LAMB1: variants seen among roughly 807,000 people sequenced by gnomAD.
LAMB1 encodes the protein laminin subunit beta 1, also known as laminin subunit beta-1.
A neutral mutation model predicts 222.3 loss-of-function variants in LAMB1; 121 were observed. The observed-to-expected ratio is 0.54, with a 90% confidence interval of 0.47 to 0.63. The LOEUF is 0.63. LAMB1 is among the 30% of genes least tolerant of loss of function. LAMB1 has a pLI of 0.00. For synonymous variants in LAMB1, 794 were observed against 807.2 expected (o/e 0.98, Z 0.28); for missense variants, 2,172 against 2,240.8 (o/e 0.97, Z 0.62).
chr7:107,993,046 A>G (rs2034215239), intron 5 of LAMB1, among the ~76,000 whole-genome samples: 1 of 152,170 alleles, frequency 6.6e-6, no homozygotes, highest in South Asian at 2.1e-4. Flanking sequence ...TTCACACCCA[A>G]TGTACCCAAC....
rs753168303 is a variant in LAMB1, at chr7:107,940,306, C to G, written c.3444G>C (p.Thr1148=). 5 of 1,614,184 alleles carry G rather than the reference C, an allele frequency of 3.1e-6. No homozygotes were observed. The highest frequency in any genetic ancestry group is 3.4e-6 in the Non-Finnish European group (4 of 1,180,030). Residue 1148 remains threonine, a synonymous_variant, in exon 25 of 34, where the codon ACG becomes ACC. Transcript: ENST00000222399. The part of the protein sequence containing the change: ...GIETPQCDQS[T]GQCVCVEGVE... ...CACCCTCAACGCAGACACACTGGCC[C>G]GTGGACTGGTCACACTGTGGCGTCT...
At chr7:107,942,489 G>C (rs967538298) in intron 24 of LAMB1, 2 of 152,118 alleles carry the variant, frequency 1.3e-5, no homozygotes, top group Non-Finnish European at 2.9e-5. Flanking sequence ...CCAAGCTCTC[G>C]AGTGGCAGGT....
At chr7:107,937,756 CA>C (rs1353805008) in intron 25 of LAMB1, among the ~76,000 whole-genome samples, 1 of 152,196 alleles carries the variant, frequency 6.6e-6, no homozygotes, top group Non-Finnish European at 1.5e-5. Context: ...TAGCCTGCCA[CA>C]AAGACAACAG....
In LAMB1 at chr7:107,961,317, A is replaced by C. The variant is rs779593878; in HGVS notation, c.1998T>G (p.Leu666=). 1 of 1,614,116 alleles carries C rather than the reference A, an allele frequency of 6.2e-7. No homozygotes were observed. Among genetic ancestry groups the C allele is most frequent in the Non-Finnish European group, 8.5e-7 (1 of 1,180,010 alleles). Residue 666 remains leucine (L), a synonymous_variant, in exon 17 of 34, where the codon CTT becomes CTG. Coordinates refer to ENST00000222399, the MANE Select transcript of LAMB1 (RefSeq NM_002291.3). ...SLSPGSRYVV[L]PRPVCFEKGT... is the part of the protein sequence containing the mutation. ...CCTTCTCAAAGCACACCGGCCGAGG[A>C]AGGACGACATATCTGCCCCCAAACA...
At chr7:107,965,466 A>C (rs540138172) in intron 13 of LAMB1, among the ~76,000 whole-genome samples, 2 of 152,162 alleles carry the variant, frequency 1.3e-5, no homozygotes, top group East Asian at 1.9e-4. Flanking sequence ...GTAATCCCAG[A>C]TACTTGGGAG....
At chr7:107,938,327 C>T (rs1225663121) in intron 25 of LAMB1, among the ~76,000 whole-genome samples, 2 of 152,020 alleles carry the variant, frequency 1.3e-5, no homozygotes, top group Non-Finnish European at 2.9e-5. Context: ...GGCTAATATA[C>T]ATAGTTTCTT....
intron 24 of LAMB1, among the ~76,000 whole-genome samples, chr7:107,949,841 C>A (rs1180306202): frequency 6.6e-6 from 1 of 152,194 alleles, no homozygotes; most frequent in Non-Finnish European, 1.5e-5. Flanking sequence ...AGGTTCCTGA[C>A]CTTCTGTAGG....
intron 6 of LAMB1, 25 bp from the exon 7 acceptor site, chr7:107,986,110 G>A: frequency 1.2e-6 from 2 of 1,609,646 alleles, no homozygotes; most frequent in South Asian, 2.2e-5. Flanking sequence ...AAGAGTAATT[G>A]GTACTTCTGC....
In LAMB1 at chr7:107,959,367, G is replaced by A. The variant is rs753760661; in HGVS notation, c.2572C>T (p.His858Tyr). 1 of 1,614,202 alleles carries A rather than the reference G, an allele frequency of 6.2e-7. No homozygotes were observed. The highest frequency in any genetic ancestry group is 8.5e-7 in the Non-Finnish European group (1 of 1,180,036). Residue 858 changes from histidine to tyrosine, a missense_variant, in exon 20 of 34, where the codon CAC becomes TAC. His to Tyr is a moderately conservative substitution (Grantham distance 83). Coordinates refer to ENST00000222399, the MANE Select transcript of LAMB1 (RefSeq NM_002291.3). ...ARQCDRCLPG[H>Y]WGFPSCQPCQ... ...GGCTGGCAACTTGGAAAGCCCCAGTGCCCAGGTAAGCACCGATCACACTGC... is the reference window on the plus strand; with the variant it reads ...GGCTGGCAACTTGGAAAGCCCCAGTACCCAGGTAAGCACCGATCACACTGC...
At chr7:107,974,216 C>A (rs2033807150) in intron 12 of LAMB1, among the ~76,000 whole-genome samples, 1 of 151,946 alleles carries the variant, frequency 6.6e-6, no homozygotes, top group Non-Finnish European at 1.5e-5. Context: ...ATTAAAAATA[C>A]AGATTTTTAA....
chr7:107,967,003 G>A (rs765833737), intron 13 of LAMB1, among the ~76,000 whole-genome samples: 2 of 152,140 alleles, frequency 1.3e-5, no homozygotes, highest in African/African-American at 4.8e-5. Flanking sequence ...TATGCAGATG[G>A]CCCTCACCCT....
In LAMB1 at chr7:107,986,312, T is replaced by A. The variant is rs1282698606; in HGVS notation, c.475A>T (p.Thr159Ser). 6.2e-7 allele frequency: 1 copy of A among 1,610,674 alleles called. No individual in the cohort carries two copies. The highest frequency in any genetic ancestry group is 1.7e-5 in the Admixed American group (1 of 59,904). ...LIERSSDFGK[T>S]WGVYRYFAYD... is the part of the protein sequence containing the mutation. ...GCGAAGTATCTATACACACCCCAGGTTTTCCCAAAGTCGGACGATCGTTCT... is the reference window on the plus strand; with the variant it reads ...GCGAAGTATCTATACACACCCCAGGATTTCCCAAAGTCGGACGATCGTTCT... Residue 159 changes from threonine to serine, a missense_variant, in exon 6 of 34, where the codon ACC becomes TCC. Transcript: ENST00000222399.
intron 5 of LAMB1, among the ~76,000 whole-genome samples, chr7:107,988,718 CAT>C (rs2034127862): frequency 6.6e-6 from 1 of 152,176 alleles, no homozygotes; most frequent in African/African-American, 2.4e-5. Flanking sequence ...GGGCTGTAAT[CAT>C]ATGTCTGGTG....
chr7:107,975,740 A>G lies in LAMB1; in HGVS notation c.1138T>C (p.Phe380Leu). Residue 380 changes from phenylalanine to leucine, a missense_variant, in exon 10 of 34, where the codon TTT becomes CTT. By Grantham distance (22) the Phe-to-Leu change is conservative. Coordinates refer to ENST00000222399, the MANE Select transcript of LAMB1 (RefSeq NM_002291.3). ...TCCCTCTCTGGGTGCTGGTAGTAAA[A>G]CGGCTTGCACTGCTCACAGTTGCGC... ...MGRNCEQCKPFYYQHPERDIR... is the reference protein window; with the variant it reads ...MGRNCEQCKPLYYQHPERDIR... The G allele has an allele frequency of 1.2e-6, 2 of 1,613,598 alleles. No homozygotes were observed. The highest frequency in any genetic ancestry group is 4.5e-5 in the East Asian group (2 of 44,866).
intron 9 of LAMB1, among the ~76,000 whole-genome samples, chr7:107,977,512 G>A (rs1482496732): frequency 1.3e-5 from 2 of 152,080 alleles, no homozygotes; most frequent in African/African-American, 2.4e-5. Context: ...CAGCCCTGGC[G>A]CGGTGGCTCA....
chr7:107,959,752 A>C lies in LAMB1; in HGVS notation c.2397T>G (p.Val799=), dbSNP rs2150427381. The change falls in exon 19 of 34, where the codon GTT becomes GTG. Residue 799 remains valine (V), a synonymous_variant. Coordinates refer to ENST00000222399, the MANE Select transcript of LAMB1 (RefSeq NM_002291.3). ...GTGCACATCTGTTGCAGGTTCTTCC[A>C]ACCACGTTGGGCCGGCACTGGCACT... ...GGQCQCRPNV[V]GRTCNRCAPG... 1 of 1,614,220 alleles carries C rather than the reference A, an allele frequency of 6.2e-7. No individual in the cohort carries two copies.
intron 10 of LAMB1, 36 bp downstream of exon 10, chr7:107,975,653 T>C (rs746948664): frequency 1.6e-5 from 25 of 1,565,804 alleles, no homozygotes; most frequent in Non-Finnish European, 2.2e-5. Flanking sequence ...CAATCTGAAG[T>C]AGGTCCCACA....
intron 25 of LAMB1, among the ~76,000 whole-genome samples, chr7:107,938,284 A>C (rs540663219): frequency 1.5e-4 from 23 of 152,356 alleles, no homozygotes; most frequent in Non-Finnish European, 2.1e-4. Flanking sequence ...AAAATGGTAG[A>C]TTAAATTACA....
rs1209362138 is a variant in LAMB1, at chr7:107,994,082, C to T, written c.423+805G>A. On this transcript the variant is annotated intron_variant, in intron 5 of 33. Transcript: ENST00000222399. ...ATCCTGAGAGGGTGTAGATAAGGTT[C>T]CCAACTCCAACTGAAAGCTATTCAA... Among the ~76,000 whole-genome samples, 10 of 150,508 alleles carry T rather than the reference C, an allele frequency of 6.6e-5. No homozygotes were observed. In the East Asian group the frequency reaches 2.0e-3, roughly 30 times the overall value.
Sources: allele counts gnomAD v4.1 joint callset (sites outside exome capture counted in the v4.1 genomes callset), GRCh38; gene constraint gnomAD v4.1.1; transcripts MANE v1.5; gene names NCBI Gene and HGNC (gene_info 2026-07-23, HGNC 2026-07-21).